Variants in LGSN observed in about 807,000 individuals in gnomAD.
LGSN encodes the protein lengsin.
In LGSN, 21 loss-of-function variants were observed where a neutral mutation model predicts 19.5. The observed-to-expected ratio is 1.07, with a 90% CI of 0.76 to 1.55. LGSN has a LOEUF of 1.55. Among genes scored for constraint, LGSN ranks in the 40% most tolerant of loss-of-function variants. The probability of loss-of-function intolerance (pLI) is 0.00; values close to 1 mark genes in which losing one functional copy is unlikely to be tolerated. For synonymous variants in LGSN, 257 were observed against 215.6 expected (o/e 1.19, Z -1.68); for missense variants, 673 against 608.5 (o/e 1.11, Z -1.12).
chr6:63,362,506 T>C, the LGSN span, among the ~76,000 whole-genome samples: 1 of 152,174 alleles, frequency 6.6e-6, no homozygotes, highest in Admixed American at 6.5e-5. Context: ...CTAATAACTG[T>C]GCTTTTCCAA....
chr6:63,334,635 T>A, the LGSN span, among the ~76,000 whole-genome samples: 167 of 152,166 alleles, frequency 1.1e-3, 1 homozygote, highest in African/African-American at 3.7e-3. Context: ...AAACTGAAAA[T>A]GAGCCCAAAT....
the LGSN span, chr6:63,441,589 C>G: frequency 2.2e-6 from 1 of 453,278 alleles, no homozygotes; most frequent in African/African-American, 2.0e-5. Flanking sequence ...AAGTATGAGG[C>G]AAAGCAGCGA....
At chr6:63,559,416 G>A in the LGSN span, among the ~76,000 whole-genome samples, 2 of 152,038 alleles carry the variant, frequency 1.3e-5, no homozygotes, top group African/African-American at 2.4e-5. Flanking sequence ...AAAGAAAAAT[G>A]GCTTAAACGC....
chr6:63,325,498 G>A, the LGSN span, among the ~76,000 whole-genome samples: 2 of 152,140 alleles, frequency 1.3e-5, no homozygotes, highest in Non-Finnish European at 2.9e-5. Context: ...AGAGGAAAAG[G>A]AGAAATTCCT....
At chr6:63,356,874 A>G in the LGSN span, among the ~76,000 whole-genome samples, 4 of 152,182 alleles carry the variant, frequency 2.6e-5, no homozygotes, top group African/African-American at 9.7e-5. Flanking sequence ...GTACATGTAC[A>G]CAACGTGCAG....
At chr6:63,560,290 A>C in the LGSN span, among the ~76,000 whole-genome samples, 1 of 148,748 alleles carries the variant, frequency 6.7e-6, no homozygotes, top group African/African-American at 2.5e-5. Context: ...GTGAGCTGAG[A>C]TCACGCCATT....
the LGSN span, chr6:63,572,639 C>T: frequency 4.8e-6 from 2 of 417,840 alleles, no homozygotes; most frequent in South Asian, 2.1e-4. Context: ...GCCCTGCAGC[C>T]ACCGCCACCG....
chr6:63,339,454 T>A, the LGSN span, among the ~76,000 whole-genome samples: 8 of 152,204 alleles, frequency 5.3e-5, no homozygotes, highest in African/African-American at 1.9e-4. Context: ...GTTGTTGTTT[T>A]TTATGTAGAA....
chr6:63,478,322 A>C, the LGSN span, among the ~76,000 whole-genome samples: 3 of 152,210 alleles, frequency 2.0e-5, no homozygotes, highest in African/African-American at 7.2e-5. Flanking sequence ...CCACAGTGAC[A>C]GAAAGTACGT....
chr6:63,549,621 T>C, the LGSN span: 1 of 490,642 alleles, frequency 2.0e-6, no homozygotes, highest in Non-Finnish European at 3.6e-6. Context: ...GGAATACTAA[T>C]TATCCATACA....
the LGSN span, among the ~76,000 whole-genome samples, chr6:63,485,813 C>T: frequency 6.6e-6 from 1 of 152,184 alleles, no homozygotes; most frequent in Non-Finnish European, 1.5e-5. Flanking sequence ...ACTGCAACCT[C>T]TGCCTCCCGG....
At chr6:63,512,635 T>C in the LGSN span, among the ~76,000 whole-genome samples, 3 of 152,298 alleles carry the variant, frequency 2.0e-5, no homozygotes, top group East Asian at 5.8e-4. Context: ...TTAGCTTAGA[T>C]CAATTAAGAT....
chr6:63,327,210 C>A, the LGSN span, among the ~76,000 whole-genome samples: 1 of 152,178 alleles, frequency 6.6e-6, no homozygotes, highest in Non-Finnish European at 1.5e-5. Context: ...TAGTTGAACT[C>A]ATTTGGGGTT....
At chr6:63,513,863 A>T in the LGSN span, among the ~76,000 whole-genome samples, 1 of 141,392 alleles carries the variant, frequency 7.1e-6, no homozygotes, top group African/African-American at 2.7e-5. Context: ...GTGAGCTGAG[A>T]TCCTACCATT....
intron 1 of LGSN, among the ~76,000 whole-genome samples, chr6:63,297,201 G>A (rs1343283443): frequency 1.3e-5 from 2 of 151,886 alleles, no homozygotes; most frequent in African/African-American, 2.4e-5. Context: ...TTAGCCAGGC[G>A]TGGTTGCACG....
chr6:63,521,744 C>G, the LGSN span: 7 of 152,146 alleles, frequency 4.6e-5, no homozygotes, highest in Non-Finnish European at 8.8e-5. Context: ...TCTGACCCTC[C>G]CAGGACTTGA....
At chr6:63,462,492 T>C in the LGSN span, among the ~76,000 whole-genome samples, 13 of 152,196 alleles carry the variant, frequency 8.5e-5, no homozygotes, top group South Asian at 2.1e-4. Flanking sequence ...AAAAAATCAG[T>C]TGGACATGGT....
At chr6:63,412,772 G>GAAGGA in the LGSN span, among the ~76,000 whole-genome samples, 1 of 41,152 alleles carries the variant, frequency 2.4e-5, no homozygotes, top group South Asian at 1.2e-3. Context: ...AGAAAGAAAG[G>GAAGGA]AAGGAAGGGA....
At chr6:63,438,853 G>GGT in the LGSN span, among the ~76,000 whole-genome samples, 1 of 151,860 alleles carries the variant, frequency 6.6e-6, no homozygotes, top group Non-Finnish European at 1.5e-5. Context: ...CCCATTACTG[G>GGT]GTATATACCC....
Sources: allele counts gnomAD v4.1 joint callset (sites outside exome capture counted in the v4.1 genomes callset), GRCh38; gene constraint gnomAD v4.1.1; transcripts MANE v1.5; gene names NCBI Gene and HGNC (gene_info 2026-07-23, HGNC 2026-07-21).